Variants in ANO3 observed in about 807,000 individuals in gnomAD.
The protein encoded by ANO3 is anoctamin 3.
A neutral mutation model predicts 144.8 loss-of-function variants in ANO3; 99 were observed. The observed-to-expected ratio is 0.68, with a 90% confidence interval of 0.58 to 0.81. ANO3 has a LOEUF of 0.81. Ranked by LOEUF, ANO3 falls within the 30% of genes least tolerant of loss-of-function variation. The probability of loss-of-function intolerance (pLI) is 0.00; values close to 1 mark genes in which losing one functional copy is unlikely to be tolerated. For missense variants in ANO3, 905 were observed against 1,202.2 expected, an observed-to-expected ratio of 0.75 and a Z score of 3.66; for synonymous variants, 414 against 392.6, an observed-to-expected ratio of 1.05 and a Z score of -0.64.
At chr11:26,261,032 G>T (rs1321441262) in intron 1 of ANO3, among the ~76,000 whole-genome samples, 2 of 152,100 alleles carry the variant, frequency 1.3e-5, no homozygotes, top group Admixed American at 6.5e-5. Flanking sequence ...CCCATAATTT[G>T]TCAGAGCCCT....
At chr11:26,355,907 G>A (rs968293391) in intron 1 of ANO3, among the ~76,000 whole-genome samples, 2 of 152,100 alleles carry the variant, frequency 1.3e-5, no homozygotes, top group Non-Finnish European at 2.9e-5. Context: ...TCTCCTAGTT[G>A]TTCATTATGT....
intron 12 of ANO3, among the ~76,000 whole-genome samples, chr11:26,551,054 C>T (rs142948066): frequency 0.027 from 4,115 of 152,054 alleles, 93 homozygotes; most frequent in Non-Finnish European, 0.044. Flanking sequence ...TAATGCCCTA[C>T]TGGTTTTCCT....
intron 1 of ANO3, among the ~76,000 whole-genome samples, chr11:26,322,473 GTCATGTC>G (rs1854783333): frequency 1.3e-5 from 2 of 151,956 alleles, no homozygotes; most frequent in East Asian, 3.9e-4. Flanking sequence ...ACATGCAGTT[GTCATGTC>G]TCTTTAGGCT....
At chr11:26,337,739 A>T (rs1225985809) in intron 1 of ANO3, among the ~76,000 whole-genome samples, 3 of 152,164 alleles carry the variant, frequency 2.0e-5, no homozygotes. Context: ...GTTTGAGACC[A>T]GCCTGGCCAA....
At chr11:26,385,897 A>G (rs1230879421) in intron 1 of ANO3, among the ~76,000 whole-genome samples, 1 of 150,862 alleles carries the variant, frequency 6.6e-6, no homozygotes, top group African/African-American at 2.5e-5. Flanking sequence ...GTGTGTGTAT[A>G]TATATTTATA....
At chr11:26,269,396 C>T (rs1853389785) in intron 1 of ANO3, among the ~76,000 whole-genome samples, 1 of 152,192 alleles carries the variant, frequency 6.6e-6, no homozygotes, top group Non-Finnish European at 1.5e-5. Context: ...CCGCTAGCTT[C>T]TCCCCCTCTT....
chr11:26,657,330 G>C (rs1853720092), intron 26 of ANO3, among the ~76,000 whole-genome samples: 1 of 152,100 alleles, frequency 6.6e-6, no homozygotes, highest in African/African-American at 2.4e-5. Flanking sequence ...ATCGAGGACT[G>C]AAATTCTGTT....
Position 26,517,190 on chromosome 11 carries a change from A to G in ANO3, c.692+263A>G, listed in dbSNP as rs1307267898. 4.6e-5 allele frequency among the ~76,000 whole-genome samples: 7 copies of G among 151,990 alleles called. No homozygotes were observed. The East Asian group carries it at 1.2e-3, about 25-fold the overall frequency. On this transcript the variant is annotated intron_variant, in intron 6 of 26. Transcript: ENST00000256737. ...CAGTTATTTTCAATTTTAACTTACAACAATTCCCAAGATCAGTCTCACTCC... is the reference window on the plus strand; with the variant it reads ...CAGTTATTTTCAATTTTAACTTACAGCAATTCCCAAGATCAGTCTCACTCC...
intron 17 of ANO3, among the ~76,000 whole-genome samples, chr11:26,619,267 A>T (rs1590639181): frequency 6.6e-6 from 1 of 152,196 alleles, no homozygotes; most frequent in African/African-American, 2.4e-5. Context: ...TACATTTTCT[A>T]AACATTTCAA....
chr11:26,486,551 G>A (rs1590406152), intron 4 of ANO3, among the ~76,000 whole-genome samples: 1 of 152,058 alleles, frequency 6.6e-6, no homozygotes, highest in East Asian at 1.9e-4. Context: ...ATGTTTGTAG[G>A]TGCAAGTTTT....
intron 1 of ANO3, among the ~76,000 whole-genome samples, chr11:26,207,801 G>A (rs1851838718): frequency 6.6e-6 from 1 of 152,128 alleles, no homozygotes; most frequent in South Asian, 2.1e-4. Flanking sequence ...CTCTGCAAAT[G>A]AATGATGCTA....
chr11:26,505,011 C>CAAAAAAAAAA (rs61530995), intron 4 of ANO3, among the ~76,000 whole-genome samples: 4 of 63,666 alleles, frequency 6.3e-5, no homozygotes, highest in Non-Finnish European at 8.1e-5. Context: ...GACTCCACCT[C>CAAAAAAAAAA]AAAAAAAAAA....
At chr11:26,266,281 G>A (rs1853304882) in intron 1 of ANO3, among the ~76,000 whole-genome samples, 1 of 151,842 alleles carries the variant, frequency 6.6e-6, no homozygotes, top group South Asian at 2.1e-4. Flanking sequence ...CCAAGACTCA[G>A]ATTTTAAAGG....
At chr11:26,412,752 T>C (rs1381309472) in intron 1 of ANO3, among the ~76,000 whole-genome samples, 3 of 149,112 alleles carry the variant, frequency 2.0e-5, no homozygotes, top group African/African-American at 7.3e-5. Context: ...TTAGGTGCTA[T>C]TCAGGTTCAA....
At chr11:26,387,342 T>G (rs149122793) in intron 1 of ANO3, among the ~76,000 whole-genome samples, 89 of 152,112 alleles carry the variant, frequency 5.9e-4, no homozygotes, top group South Asian at 5.0e-3. Flanking sequence ...TCCTTTAATT[T>G]TTATGTCATT....
At chr11:26,480,927 C>A (rs976281590) in intron 4 of ANO3, among the ~76,000 whole-genome samples, 1 of 152,126 alleles carries the variant, frequency 6.6e-6, no homozygotes, top group Non-Finnish European at 1.5e-5. Flanking sequence ...CTGCCACTTA[C>A]ATGCTATGTG....
intron 4 of ANO3, among the ~76,000 whole-genome samples, chr11:26,505,666 G>A (rs1861396109): frequency 6.6e-6 from 1 of 152,052 alleles, no homozygotes; most frequent in African/African-American, 2.4e-5. Flanking sequence ...TCCACTGCAG[G>A]AAGATAAATT....
At chr11:26,632,563 T>A (rs977232878) in intron 18 of ANO3, among the ~76,000 whole-genome samples, 4 of 146,298 alleles carry the variant, frequency 2.7e-5, no homozygotes, top group African/African-American at 1.0e-4. Context: ...AATATATAAA[T>A]ATATAAAAAA....
In ANO3 at chr11:26,372,077, T is replaced by C. The variant is rs1027642268; in HGVS notation, c.46+39756T>C. On this transcript the variant is annotated intron_variant, in intron 1 of 26. Coordinates refer to ENST00000256737, the MANE Select transcript of ANO3 (RefSeq NM_031418.4). ...CTGTGTCCCCACCCAAATCTCATCT[T>C]GAATTGTAGTTCCTATAATCCCCAC... is the stretch of plus-strand genomic sequence containing the variant. Among the ~76,000 whole-genome samples, 13 of 152,330 alleles carry C rather than the reference T, an allele frequency of 8.5e-5. No homozygotes were observed. In the East Asian group the frequency reaches 2.5e-3, roughly 29 times the overall value.
Sources: gnomAD v4.1 joint callset for allele counts (sites outside exome capture counted in the v4.1 genomes callset) on GRCh38, gnomAD v4.1.1 for gene constraint, MANE v1.5 for transcripts, NCBI Gene and HGNC (gene_info 2026-07-23, HGNC 2026-07-21) for gene names.